Variants in TULP4 observed in about 807,000 individuals in gnomAD.
The protein encoded by TULP4 is TUB like protein 4.
In TULP4, 16 loss-of-function variants were observed where a neutral mutation model predicts 129.0. The ratio of observed to expected loss-of-function variants is 0.12; its 90% CI spans 0.08 to 0.19. TULP4 has a LOEUF of 0.19. Ranked by LOEUF, TULP4 falls within the 10% of genes least tolerant of loss-of-function variation. The pLI, the probability that TULP4 is intolerant of heterozygous loss-of-function variation, is 1.00. For synonymous variants in TULP4, 998 were observed against 854.0 expected (o/e 1.17, Z -2.94); for missense variants, 1,842 against 2,059.1 (o/e 0.89, Z 2.04).
intron 1 of TULP4, among the ~76,000 whole-genome samples, chr6:158,248,978 A>G (rs1778085887): frequency 6.6e-6 from 1 of 151,522 alleles, no homozygotes; most frequent in African/African-American, 2.4e-5. Flanking sequence ...GTAAAAAATT[A>G]GCCCGGTGTG....
At chr6:158,363,644 G>A (rs867931517) in intron 1 of TULP4, among the ~76,000 whole-genome samples, 5 of 151,986 alleles carry the variant, frequency 3.3e-5, no homozygotes. Flanking sequence ...TCACTACGCC[G>A]GGCTATTTTT....
At chr6:158,363,062 C>CAAAAA (rs11373437) in intron 1 of TULP4, among the ~76,000 whole-genome samples, 2 of 87,984 alleles carry the variant, frequency 2.3e-5, no homozygotes, top group Non-Finnish European at 4.3e-5. Flanking sequence ...GACTCCATCT[C>CAAAAA]AAAAAAAAAA....
chr6:158,248,956 ACTG>A (rs1305778112), intron 1 of TULP4, among the ~76,000 whole-genome samples: 1 of 151,740 alleles, frequency 6.6e-6, no homozygotes, highest in Non-Finnish European at 1.5e-5. Context: ...CTACTTCATC[ACTG>A]CAACTAATGT....
chr6:158,238,092 A>T, intron 1 of TULP4: 1 of 718,436 alleles, frequency 1.4e-6, no homozygotes. Flanking sequence ...ATGGCTACAC[A>T]TGGTCACTAA....
chr6:158,299,458 A>G (rs1779096356), intron 1 of TULP4, among the ~76,000 whole-genome samples: 1 of 152,142 alleles, frequency 6.6e-6, no homozygotes, highest in Admixed American at 6.5e-5. Flanking sequence ...GGTATGGGGT[A>G]TCTCCTATTA....
chr6:158,465,855 G>A (rs10447365), intron 6 of TULP4, among the ~76,000 whole-genome samples: 6,040 of 152,286 alleles, frequency 0.04, 157 homozygotes, highest in South Asian at 0.078. Context: ...ATACAAGTCA[G>A]GTAGATTCAG....
At chr6:158,505,112 C>T (rs1780571391) in intron 13 of TULP4, among the ~76,000 whole-genome samples, 1 of 152,170 alleles carries the variant, frequency 6.6e-6, no homozygotes, top group Admixed American at 6.5e-5. Flanking sequence ...GGAAGTCATT[C>T]CCCAGTTCTC....
chr6:158,349,268 TCCTCACCTCCCAGATGGGGC>T (rs1780420006), intron 1 of TULP4, among the ~76,000 whole-genome samples: 1 of 121,122 alleles, frequency 8.3e-6, no homozygotes, highest in Non-Finnish European at 1.7e-5. Context: ...GCAGAGGCGC[TCCTCACCTCCCAGATGGGGC>T]GGCTGCCGGT....
intron 1 of TULP4, among the ~76,000 whole-genome samples, chr6:158,400,625 C>A (rs192338483): frequency 6.6e-5 from 10 of 152,262 alleles, no homozygotes; most frequent in Non-Finnish European, 1.5e-5. Flanking sequence ...AAAAATGTCA[C>A]CTCTGCCATT....
chr6:158,451,143 G>A (rs1779155169), intron 4 of TULP4, among the ~76,000 whole-genome samples: 1 of 152,170 alleles, frequency 6.6e-6, no homozygotes, highest in Non-Finnish European at 1.5e-5. Context: ...TATAAAGCAA[G>A]TCCAGAGTAA....
chr6:158,241,831 G>C (rs1777923420), intron 1 of TULP4: 33 of 593,048 alleles, frequency 5.6e-5, no homozygotes, highest in South Asian at 5.4e-4. Flanking sequence ...CTGACCTTGT[G>C]ATCTGCCTGC....
rs142459389 is a variant in TULP4, at chr6:158,401,077, G to GTT, written c.253-11987_253-11986dup. Among the ~76,000 whole-genome samples the GTT allele has an allele frequency of 4.9e-4, 70 of 142,688 alleles. 1 individual carries two copies. The highest frequency in any genetic ancestry group is 1.7e-3 in the African/African-American group (66 of 38,388). 93.6% of individuals were successfully genotyped at this position (142,688 alleles called of 152,430 possible). A position where few individuals can be genotyped will look rare whatever the true frequency, so the allele number is the denominator to read the frequency against. On this transcript the variant is annotated intron_variant, in intron 1 of 13. Transcript: ENST00000367097. ...TGTTGTTGTTGTTGTTGTTGTTGTTGTTGTTGTTTTGTTGTTTTGAGACAG... is the reference window on the plus strand; with the variant it reads ...TGTTGTTGTTGTTGTTGTTGTTGTTGTTTTGTTGTTTTGTTGTTTTGAGACAG...
chr6:158,397,369 C>T (rs1777742063), intron 1 of TULP4, among the ~76,000 whole-genome samples: 1 of 152,172 alleles, frequency 6.6e-6, no homozygotes, highest in Non-Finnish European at 1.5e-5. Flanking sequence ...ATAGAGTATG[C>T]GTGGAGACCT....
intron 11 of TULP4, among the ~76,000 whole-genome samples, chr6:158,496,419 C>G (rs991252012): frequency 6.6e-6 from 1 of 152,152 alleles, no homozygotes; most frequent in African/African-American, 2.4e-5. Context: ...AATAGTGCTG[C>G]ATTTGAGTTT....
At chr6:158,257,494 G>T (rs1416911440) in intron 1 of TULP4, among the ~76,000 whole-genome samples, 1 of 152,158 alleles carries the variant, frequency 6.6e-6, no homozygotes, top group Non-Finnish European at 1.5e-5. Flanking sequence ...TTATATTGTT[G>T]TGCAGCCGCC....
At chr6:158,428,346 A>G (rs1274117794) in intron 2 of TULP4, 1 of 152,216 alleles carries the variant, frequency 6.6e-6, no homozygotes, top group East Asian at 1.9e-4. Flanking sequence ...CCAGAGACGC[A>G]CATTACCAAA....
intron 1 of TULP4, among the ~76,000 whole-genome samples, chr6:158,360,548 G>C (rs1181393883): frequency 6.6e-6 from 1 of 152,178 alleles, no homozygotes; most frequent in Non-Finnish European, 1.5e-5. Flanking sequence ...GTAGAATGTG[G>C]CATTTATGAA....
chr6:158,388,201 A>G (rs2114936484), intron 1 of TULP4, among the ~76,000 whole-genome samples: 1 of 152,306 alleles, frequency 6.6e-6, no homozygotes, highest in African/African-American at 2.4e-5. Context: ...ATATAGCACA[A>G]GAAAGTAATT....
Position 158,502,308 on chromosome 6 carries a change from C to T in TULP4, c.2645C>T (p.Pro882Leu). Reference sequence around the variant, plus strand: ...CCCACGTCAGTGCACTACCAGACCCCCCTGGGCTATGAGAGGATCACCACC... The same window carrying T: ...CCCACGTCAGTGCACTACCAGACCCTCCTGGGCTATGAGAGGATCACCACC... Reference protein sequence around the residue: ...LYPTSVHYQTPLGYERITTFD... With the variant: ...LYPTSVHYQTLLGYERITTFD... Residue 882 changes from proline (P) to leucine (L), a missense_variant, in exon 13 of 14, where the codon CCC becomes CTC. Pro to Leu is a moderately conservative substitution (Grantham distance 98). Around this residue, in one of 5 missense-constraint regions of TULP4, gnomAD observed 1,089 missense variants for 987.1 expected, o/e 1.10. Coordinates refer to ENST00000367097, the MANE Select transcript of TULP4 (RefSeq NM_020245.5). 6.2e-7 allele frequency: 1 copy of T among 1,613,556 alleles called. No individual in the cohort carries two copies. Among genetic ancestry groups the T allele is most frequent in the Non-Finnish European group, 8.5e-7 (1 of 1,179,876 alleles).
Sources: gnomAD v4.1 joint callset for allele counts (sites outside exome capture counted in the v4.1 genomes callset) on GRCh38, gnomAD v4.1.1 for gene constraint, gnomAD v4.1.1 regional missense constraint, MANE v1.5 for transcripts, NCBI Gene and HGNC (gene_info 2026-07-23, HGNC 2026-07-21) for gene names.